The following LIPA variants were observed in gnomAD, a reference collection of about 807,000 sequenced individuals.
LIPA encodes lipase A, lysosomal acid type, also known as lysosomal acid lipase/cholesteryl ester hydrolase.
A neutral mutation model predicts 40.6 loss-of-function variants in LIPA; 26 were observed. The observed-to-expected ratio is 0.64, with a 90% CI of 0.47 to 0.89. The LOEUF (loss-of-function observed/expected upper bound fraction) is 0.89, where lower values mean the gene tolerates loss of function less well. Ranked by LOEUF, LIPA falls within the 40% of genes least tolerant of loss-of-function variation. The pLI, the probability that LIPA is intolerant of heterozygous loss-of-function variation, is 0.00. For missense variants in LIPA, 455 were observed against 479.6 expected, an observed-to-expected ratio of 0.95 and a Z score of 0.48; for synonymous variants, 188 against 168.4, an observed-to-expected ratio of 1.12 and a Z score of -0.90.
At position 89,370,009 on chromosome 10, in the gene LIPA, T is replaced by A. The variant is rs929005014; in HGVS notation, c.61+42782A>T. 2.0e-5 allele frequency among the ~76,000 whole-genome samples: 3 copies of A among 152,250 alleles called. 1 individual carries two copies. In the South Asian group the frequency reaches 6.2e-4, roughly 32 times the overall value. ...AGGCAAGTGCTGCTTCCATCAGGTG[T>A]GTGGGGGAACCCCCAGCATCTGACA... On this transcript the variant is annotated intron_variant, in intron 2 of 8. Coordinates refer to the LIPA transcript ENST00000371837.
At chr10:89,295,925 G>A (rs943486796) in intron 1 of LIPA, among the ~76,000 whole-genome samples, 3 of 152,184 alleles carry the variant, frequency 2.0e-5, no homozygotes, top group African/African-American at 7.2e-5. Context: ...ACCTGCTGTG[G>A]TAACATTATA....
At chr10:89,383,634 C>T (rs757850853) in intron 2 of LIPA, 1 of 1,614,228 alleles carries the variant, frequency 6.2e-7, no homozygotes, top group East Asian at 2.2e-5. Context: ...TGTATTACCA[C>T]ATGGGCAGAT....
chr10:89,354,438 A>G (rs936695242), intron 2 of LIPA, among the ~76,000 whole-genome samples: 1 of 152,240 alleles, frequency 6.6e-6, no homozygotes, highest in African/African-American at 2.4e-5. Flanking sequence ...TTGGCTCAGA[A>G]TAAATCTCTT....
intron 8 of LIPA, among the ~76,000 whole-genome samples, chr10:89,220,743 A>C (rs1292969289): frequency 6.6e-6 from 1 of 152,144 alleles, no homozygotes; most frequent in African/African-American, 2.4e-5. Context: ...CAGGGAAAGG[A>C]GAACTATAGC....
chr10:89,236,349 T>C (rs1272650251), intron 3 of LIPA, among the ~76,000 whole-genome samples: 1 of 150,728 alleles, frequency 6.6e-6, no homozygotes, highest in African/African-American at 2.5e-5. Flanking sequence ...ATTGTAAATA[T>C]CTGCTTAAAT....
Position 89,371,021 on chromosome 10 carries a change from AAAAC to A in LIPA, c.61+41766_61+41769del, listed in dbSNP as rs201849181. Among the ~76,000 whole-genome samples, 1,515 of 152,270 alleles carry A rather than the reference AAAAC, an allele frequency of 9.9e-3. 93 individuals are homozygous for A. Among genetic ancestry groups the A allele is most frequent in the Admixed American group, 0.09 (1,381 of 15,262 alleles). On this transcript the variant is annotated intron_variant, in intron 2 of 8. Transcript: ENST00000371837. The stretch of plus-strand genomic sequence containing the variant: ...TGACAGAGTGAGACTCTGTCTCAAA[AAAAC>A]AAACAAACAAACAAAAAATTTTCTC...
intron 1 of LIPA, among the ~76,000 whole-genome samples, chr10:89,341,884 C>T (rs1049997787): frequency 1.3e-4 from 20 of 152,138 alleles, no homozygotes; most frequent in African/African-American, 4.8e-4. Context: ...CATAGTACAT[C>T]ATGGTGACTA....
At chr10:89,263,404 A>G (rs1056097167) in intron 1 of LIPA, among the ~76,000 whole-genome samples, 12 of 152,226 alleles carry the variant, frequency 7.9e-5, no homozygotes, top group African/African-American at 2.9e-4. Context: ...CAAAAACTAC[A>G]AATGTCACTT....
chr10:89,300,829 A>G lies in LIPA; in HGVS notation c.-2+41782T>C, dbSNP rs1396356688. Among the ~76,000 whole-genome samples, 4 of 152,152 alleles carry G rather than the reference A, an allele frequency of 2.6e-5. No individual in the cohort carries two copies. In the East Asian group the frequency reaches 5.8e-4, roughly 22 times the overall value. On this transcript the variant is annotated intron_variant, in intron 1 of 5. Transcript: ENST00000282673. The stretch of plus-strand genomic sequence containing the variant: ...TGGTGGAACCCCATCTCTACTAAAA[A>G]TACAAAAATTAGCCGGGCGTGGTGG...
At chr10:89,412,829 G>A (rs899729308) in exon 2 of LIPA, 2 of 396,704 alleles carry the variant, frequency 5.0e-6, no homozygotes, top group East Asian at 9.0e-5. Flanking sequence ...AACATCGAAA[G>A]GAACAAACTC....
chr10:89,323,942 G>A (rs1317159418), intron 1 of LIPA, among the ~76,000 whole-genome samples: 1 of 152,068 alleles, frequency 6.6e-6, no homozygotes, highest in African/African-American at 2.4e-5. Context: ...AATTCCTATA[G>A]AACAAAAAGT....
At chr10:89,251,459 G>C (rs1186398942) in intron 1 of LIPA, among the ~76,000 whole-genome samples, 1 of 151,600 alleles carries the variant, frequency 6.6e-6, no homozygotes, top group East Asian at 1.9e-4. Context: ...TCACTGACCG[G>C]AGACCGCGCC....
chr10:89,342,561 C>A (rs892113984), intron 1 of LIPA: 4 of 152,012 alleles, frequency 2.6e-5, no homozygotes, highest in African/African-American at 9.7e-5. Flanking sequence ...CTATGCATAC[C>A]CTGGGTCCAG....
chr10:89,224,215 T>A (rs1216066809), intron 6 of LIPA, among the ~76,000 whole-genome samples: 1 of 152,242 alleles, frequency 6.6e-6, no homozygotes, highest in Non-Finnish European at 1.5e-5. Context: ...CAGTAATGTC[T>A]GCCAGAGGTG....
intron 1 of LIPA, among the ~76,000 whole-genome samples, chr10:89,332,116 A>ACCATGGT (rs765284108): frequency 1.3e-3 from 192 of 152,296 alleles, no homozygotes; most frequent in Non-Finnish European, 2.2e-3. Context: ...CTGTAATCCC[A>ACCATGGT]GCTACTCAGG....
intron 1 of LIPA, among the ~76,000 whole-genome samples, chr10:89,286,148 G>A (rs994506121): frequency 2.0e-5 from 3 of 152,138 alleles, no homozygotes; most frequent in African/African-American, 7.2e-5. Flanking sequence ...GGTCTGAGGT[G>A]CCTGACGTCC....
At chr10:89,255,102 C>A (rs1294502609), upstream of LIPA, among the ~76,000 whole-genome samples, 2 of 152,222 alleles carry the variant, frequency 1.3e-5, no homozygotes, top group Non-Finnish European at 2.9e-5. Flanking sequence ...TCCAAAGCCA[C>A]TTCCACATTT....
At chr10:89,269,059 T>C (rs1843252236) in intron 1 of LIPA, among the ~76,000 whole-genome samples, 1 of 151,628 alleles carries the variant, frequency 6.6e-6, no homozygotes, top group Non-Finnish European at 1.5e-5. Flanking sequence ...GCACGGTGGT[T>C]CACACCTCTA....
intron 2 of LIPA, chr10:89,403,504 A>G: frequency 1.2e-6 from 2 of 1,612,776 alleles, no homozygotes; most frequent in Middle Eastern, 3.3e-4. Flanking sequence ...AAAATAGAAC[A>G]GGCATCATTA....
Sources: allele counts gnomAD v4.1 joint callset (sites outside exome capture counted in the v4.1 genomes callset), GRCh38; gene constraint gnomAD v4.1.1; transcripts MANE v1.5; gene names NCBI Gene and HGNC (gene_info 2026-07-23, HGNC 2026-07-21).